AQR: variants seen among roughly 807,000 people sequenced by gnomAD.
AQR encodes the protein RNA helicase aquarius.
In AQR, 61 loss-of-function variants were observed where a neutral mutation model predicts 180.5. The ratio of observed to expected loss-of-function variants is 0.34; its 90% CI spans 0.28 to 0.42. The LOEUF (loss-of-function observed/expected upper bound fraction) is 0.42. Among genes scored for constraint, AQR ranks in the 10% least tolerant of loss-of-function variants. The pLI, the probability that AQR is intolerant of heterozygous loss-of-function variation, is 1.00. For synonymous variants in AQR, 551 were observed against 588.8 expected, an observed-to-expected ratio of 0.94 and a Z score of 0.93; for missense variants, 1,281 against 1,798.3, an observed-to-expected ratio of 0.71 and a Z score of 5.20.
chr15:34,925,729 A>C (rs1220577883), intron 13 of AQR, among the ~76,000 whole-genome samples: 1 of 123,960 alleles, frequency 8.1e-6, no homozygotes, highest in Non-Finnish European at 1.8e-5. Context: ...GCTATTCGGG[A>C]GGCTGACGCA....
chr15:34,916,224 T>C (rs1893583066), intron 15 of AQR, among the ~76,000 whole-genome samples: 1 of 152,172 alleles, frequency 6.6e-6, no homozygotes, highest in Admixed American at 6.5e-5. Context: ...CAATCTCCAA[T>C]GATTATTATT....
chr15:34,932,200 C>A, intron 11 of AQR, 118 bp downstream of exon 11: 1 of 778,370 alleles, frequency 1.3e-6, no homozygotes, highest in Non-Finnish European at 2.1e-6. Context: ...TATATTAAGA[C>A]ATGACTTTAA....
At chr15:34,941,539 AAT>A (rs1200301912) in intron 7 of AQR, among the ~76,000 whole-genome samples, 1 of 152,196 alleles carries the variant, frequency 6.6e-6, no homozygotes, top group Non-Finnish European at 1.5e-5. Flanking sequence ...GGAAATTCTG[AAT>A]AAAGCATTAC....
intron 3 of AQR, among the ~76,000 whole-genome samples, chr15:34,955,827 C>A (rs920204144): frequency 6.7e-6 from 1 of 149,986 alleles, no homozygotes; most frequent in Non-Finnish European, 1.5e-5. Context: ...GAGAATCATT[C>A]GAAGCTGGGA....
intron 12 of AQR, among the ~76,000 whole-genome samples, chr15:34,928,949 G>C (rs1307923547): frequency 5.3e-5 from 8 of 152,212 alleles, no homozygotes; most frequent in Non-Finnish European, 2.9e-5. Context: ...GATGAGTGAT[G>C]TTGAGTTTTT....
chr15:34,960,739 C>G (rs1259178116), intron 3 of AQR, 35 bp downstream of exon 3: 1 of 855,214 alleles, frequency 1.2e-6, no homozygotes, highest in Admixed American at 2.4e-5. Flanking sequence ...TGGTCCACCC[C>G]AATCACATTG....
intron 16 of AQR, 74 bp downstream of exon 16, chr15:34,914,964 T>G (rs1893558608): frequency 6.9e-7 from 1 of 1,450,740 alleles, no homozygotes. Flanking sequence ...CTAAATATAC[T>G]TATAAGGTTT....
At position 34,884,534 on chromosome 15, in the gene AQR, C is replaced by A. The variant is rs764066368; in HGVS notation, c.3018G>T (p.Thr1006=). Residue 1006 remains threonine (T), a synonymous_variant, in exon 26 of 35, where the codon ACG becomes ACT. Coordinates refer to ENST00000156471, the MANE Select transcript of AQR (RefSeq NM_014691.3). ...GCFRHIKKIF[T]QLEEFRASEL... ...ACTTGAGAATCCTTACCTCAAGCTG[C>A]GTAAAGATTTTCTTAATATGCCTGA... 2 of 1,588,208 alleles carry A rather than the reference C, an allele frequency of 1.3e-6. No homozygotes were observed. The highest frequency in any genetic ancestry group is 1.7e-6 in the Non-Finnish European group (2 of 1,171,040).
At chr15:34,893,817 G>T (rs374261813) in intron 22 of AQR, 44 bp from the exon 23 acceptor site, 2 of 1,527,262 alleles carry the variant, frequency 1.3e-6, no homozygotes, top group Admixed American at 1.7e-5. Flanking sequence ...AGTCATCACA[G>T]TTATCACACA....
chr15:34,928,546 A>G (rs1006765349), intron 12 of AQR, among the ~76,000 whole-genome samples: 3 of 152,174 alleles, frequency 2.0e-5, no homozygotes, highest in Middle Eastern at 3.2e-3. Context: ...TGATGGCTGC[A>G]TAGTATTCCA....
At chr15:34,864,717 C>T (rs1198764431) in intron 32 of AQR, among the ~76,000 whole-genome samples, 2 of 152,154 alleles carry the variant, frequency 1.3e-5, no homozygotes, top group Non-Finnish European at 2.9e-5. Flanking sequence ...AGCACAGATA[C>T]AGCATTATTG....
At position 34,969,742 on chromosome 15, in the gene AQR, T is replaced by G; in HGVS notation, c.-129A>C. The stretch of plus-strand genomic sequence containing the variant: ...CGCCGCACAAACGCTCCGGGCCGGA[T>G]ATCCTCAGCCTTCAGAGTCCCGTAG... On this transcript the variant is annotated 5_prime_UTR_variant, in exon 1 of 35. Transcript: ENST00000156471. 1.1e-6 allele frequency: 1 copy of G among 902,876 alleles called. No individual in the cohort carries two copies. The highest frequency in any genetic ancestry group is 1.6e-6 in the Non-Finnish European group (1 of 608,510). 55.9% of individuals were successfully genotyped at this position (902,876 alleles called of 1,614,324 possible).
At chr15:34,948,216 G>A (rs1364832577) in intron 5 of AQR, 48 bp downstream of exon 5, 1 of 1,602,410 alleles carries the variant, frequency 6.2e-7, no homozygotes, top group Admixed American at 1.7e-5. Flanking sequence ...CTTTGTAATG[G>A]CTTATGTGGG....
intron 9 of AQR, among the ~76,000 whole-genome samples, chr15:34,938,232 T>A (rs1247197783): frequency 6.6e-6 from 1 of 152,024 alleles, no homozygotes; most frequent in Non-Finnish European, 1.5e-5. Context: ...ACCACACTGG[T>A]GCCTTTAAAA....
intron 5 of AQR, among the ~76,000 whole-genome samples, chr15:34,947,146 T>C (rs972760891): frequency 1.8e-4 from 27 of 147,276 alleles, no homozygotes; most frequent in African/African-American, 6.9e-4. Flanking sequence ...ATGGGAGACT[T>C]TTCATTTTGT....
At chr15:34,859,737 G>A (rs1892642577) in intron 34 of AQR, among the ~76,000 whole-genome samples, 1 of 152,150 alleles carries the variant, frequency 6.6e-6, no homozygotes, top group African/African-American at 2.4e-5. Context: ...GATTACAAAT[G>A]GGCACAAGGG....
intron 1 of AQR, among the ~76,000 whole-genome samples, chr15:34,965,592 A>T (rs1016439147): frequency 1.3e-5 from 2 of 152,042 alleles, no homozygotes; most frequent in African/African-American, 2.4e-5. Context: ...AATTGCTTGA[A>T]CCTGGGAGGT....
intron 30 of AQR, among the ~76,000 whole-genome samples, 189 bp from the exon 31 acceptor site, chr15:34,871,111 A>G (rs531385500): frequency 1.3e-5 from 2 of 152,224 alleles, no homozygotes; most frequent in Non-Finnish European, 2.9e-5. Context: ...TAACAGTGAT[A>G]AATACAAACT....
intron 3 of AQR, among the ~76,000 whole-genome samples, chr15:34,958,088 A>C (rs947546232): frequency 6.6e-5 from 10 of 152,108 alleles, no homozygotes; most frequent in Admixed American, 6.6e-4. Context: ...GGCGCCTGTA[A>C]TCCCAGCTAC....
Sources: gnomAD v4.1 joint callset for allele counts (sites outside exome capture counted in the v4.1 genomes callset) on GRCh38, gnomAD v4.1.1 for gene constraint, MANE v1.5 for transcripts, NCBI Gene and HGNC (gene_info 2026-07-23, HGNC 2026-07-21) for gene names.